Variants in TTC28 observed in about 807,000 individuals in gnomAD.
TTC28 encodes the protein tetratricopeptide repeat domain 28, also known as tetratricopeptide repeat protein 28.
Under a neutral mutation model 198.0 loss-of-function variants are expected in TTC28, and 61 were observed. That is an observed-to-expected ratio of 0.31 (90% CI 0.25 to 0.38). The LOEUF (loss-of-function observed/expected upper bound fraction) is 0.38, where lower values mean the gene tolerates loss of function less well. TTC28 is among the 10% of genes least tolerant of loss of function. TTC28 has a pLI of 1.00. For synonymous variants in TTC28, 1,171 were observed against 1,297.8 expected (o/e 0.90, Z 2.10); for missense variants, 2,678 against 3,164.0 (o/e 0.85, Z 3.69).
chr22:28,440,294 C>T (rs1601400997), intron 2 of TTC28, among the ~76,000 whole-genome samples: 1 of 152,102 alleles, frequency 6.6e-6, no homozygotes, highest in African/African-American at 2.4e-5. Context: ...GGGGGCAGAA[C>T]ATGATTAATT....
chr22:28,204,730 T>C (rs1926254032), intron 5 of TTC28, among the ~76,000 whole-genome samples: 1 of 151,840 alleles, frequency 6.6e-6, no homozygotes, highest in Non-Finnish European at 1.5e-5. Flanking sequence ...AGTTATACCA[T>C]CCCCCAGAGA....
chr22:28,143,925 T>C (rs1943400781), intron 6 of TTC28, among the ~76,000 whole-genome samples: 1 of 152,186 alleles, frequency 6.6e-6, no homozygotes, highest in African/African-American at 2.4e-5. Context: ...CAAATTTTTT[T>C]ACGAAGAGAA....
At chr22:28,539,598 T>G (rs1256974493) in intron 2 of TTC28, among the ~76,000 whole-genome samples, 1 of 150,814 alleles carries the variant, frequency 6.6e-6, no homozygotes, top group Non-Finnish European at 1.5e-5. Flanking sequence ...ATTGAGCCAC[T>G]GCACATCAGC....
At chr22:28,459,532 G>C (rs905857068) in intron 2 of TTC28, among the ~76,000 whole-genome samples, 1 of 152,120 alleles carries the variant, frequency 6.6e-6, no homozygotes, top group Non-Finnish European at 1.5e-5. Context: ...CAGAATCAAA[G>C]TGCCACCGAC....
chr22:28,136,190 G>A (rs2146974938), intron 6 of TTC28, among the ~76,000 whole-genome samples: 1 of 152,230 alleles, frequency 6.6e-6, no homozygotes, highest in South Asian at 2.1e-4. Context: ...TGTTGCTCAG[G>A]CTAGAGTTCA....
chr22:28,122,480 A>T (rs963573914), intron 6 of TTC28, among the ~76,000 whole-genome samples: 1 of 152,220 alleles, frequency 6.6e-6, no homozygotes, highest in African/African-American at 2.4e-5. Context: ...AAAAATCCCT[A>T]TGTATCTATC....
intron 2 of TTC28, among the ~76,000 whole-genome samples, chr22:28,396,074 C>T (rs939890103): frequency 6.6e-6 from 1 of 152,302 alleles, no homozygotes; most frequent in Non-Finnish European, 1.5e-5. Flanking sequence ...TTGCTCCCCT[C>T]TGCTAATAGG....
chr22:28,447,631 T>C (rs2047722225), intron 2 of TTC28, among the ~76,000 whole-genome samples: 1 of 152,188 alleles, frequency 6.6e-6, no homozygotes, highest in Non-Finnish European at 1.5e-5. Flanking sequence ...GCCTGTAGAC[T>C]GAAGTCTCGG....
At chr22:28,217,583 A>G (rs2147194715) in intron 5 of TTC28, among the ~76,000 whole-genome samples, 1 of 152,354 alleles carries the variant, frequency 6.6e-6, no homozygotes, top group East Asian at 1.9e-4. Context: ...CTTTAAAGTG[A>G]CTTATCAAGT....
intron 1 of TTC28, among the ~76,000 whole-genome samples, chr22:28,673,775 G>A (rs1196208918): frequency 6.6e-6 from 1 of 152,222 alleles, no homozygotes; most frequent in East Asian, 1.9e-4. Flanking sequence ...GATGTTCCAA[G>A]CATCATATTT....
At chr22:28,224,890 CA>C (rs751289012) in intron 5 of TTC28, among the ~76,000 whole-genome samples, 41 of 152,182 alleles carry the variant, frequency 2.7e-4, no homozygotes, top group Middle Eastern at 3.2e-3. Context: ...AGAATATGTT[CA>C]TAATGATTGT....
intron 5 of TTC28, among the ~76,000 whole-genome samples, chr22:28,208,469 TAA>T (rs957367543): frequency 6.6e-6 from 1 of 152,162 alleles, no homozygotes; most frequent in Admixed American, 6.5e-5. Flanking sequence ...GCCCCAGCTC[TAA>T]GTCTCAACAG....
At chr22:28,592,007 C>G (rs2050443198) in intron 2 of TTC28, among the ~76,000 whole-genome samples, 1 of 151,974 alleles carries the variant, frequency 6.6e-6, no homozygotes, top group African/African-American at 2.4e-5. Context: ...TGCGGCCGTC[C>G]AAGGGGCCAC....
chr22:28,378,936 A>G (rs2046454575), intron 2 of TTC28, among the ~76,000 whole-genome samples: 1 of 152,146 alleles, frequency 6.6e-6, no homozygotes. Context: ...GCTTAAATAA[A>G]AATTAATAAA....
intron 2 of TTC28, among the ~76,000 whole-genome samples, chr22:28,413,908 G>A (rs2047127917): frequency 6.6e-6 from 1 of 152,148 alleles, no homozygotes; most frequent in Non-Finnish European, 1.5e-5. Flanking sequence ...CAAAAGAGAG[G>A]TGGAAACTAT....
chr22:28,377,591 T>G (rs1022223051), intron 2 of TTC28, among the ~76,000 whole-genome samples: 50 of 152,250 alleles, frequency 3.3e-4, no homozygotes, highest in African/African-American at 1.2e-3. Flanking sequence ...CTACCCATAT[T>G]GCTTCCCAGT....
At chr22:28,347,658 T>C (rs2045928108) in intron 2 of TTC28, among the ~76,000 whole-genome samples, 2 of 151,872 alleles carry the variant, frequency 1.3e-5, no homozygotes, top group African/African-American at 4.8e-5. Flanking sequence ...GATCACTTGA[T>C]GTCAGGAGTT....
At chr22:28,349,814 A>G (rs1247536169) in intron 2 of TTC28, among the ~76,000 whole-genome samples, 1 of 152,234 alleles carries the variant, frequency 6.6e-6, no homozygotes, top group Non-Finnish European at 1.5e-5. Context: ...TTCTTACTGT[A>G]ACCTAAAAAA....
intron 5 of TTC28, among the ~76,000 whole-genome samples, chr22:28,200,698 G>C (rs1925850342): frequency 6.6e-6 from 1 of 152,098 alleles, no homozygotes; most frequent in African/African-American, 2.4e-5. Context: ...GTGGAATACA[G>C]TCTTGAACAC....
Sources: gnomAD v4.1 joint callset for allele counts (sites outside exome capture counted in the v4.1 genomes callset) on GRCh38, gnomAD v4.1.1 for gene constraint, MANE v1.5 for transcripts, NCBI Gene and HGNC (gene_info 2026-07-23, HGNC 2026-07-21) for gene names.